The following MTA3 variants were observed in gnomAD, a reference collection of about 807,000 sequenced individuals.
MTA3 encodes metastasis associated 1 family member 3, also known as metastasis-associated protein MTA3.
In MTA3, 34 loss-of-function variants were observed where a neutral mutation model predicts 83.5. The observed-to-expected ratio is 0.41, with a 90% CI of 0.31 to 0.54. MTA3 has a LOEUF of 0.54. Ranked by LOEUF, MTA3 falls within the 20% of genes least tolerant of loss-of-function variation. MTA3 has a pLI of 0.33. For missense variants in MTA3, 761 were observed against 726.4 expected (o/e 1.05, Z -0.55); for synonymous variants, 303 against 252.7 (o/e 1.20, Z -1.89).
At position 42,579,181 on chromosome 2, in the gene MTA3, G is replaced by T; in HGVS notation, c.171G>T (p.Met57Ile). The T allele has an allele frequency of 6.3e-7, 1 of 1,598,704 alleles. No homozygotes were observed. Among genetic ancestry groups the T allele is most frequent in the Non-Finnish European group, 8.5e-7 (1 of 1,173,344 alleles). ...RRRDISNTLI[M>I]LADKHAKEIE... is the part of the protein sequence containing the mutation. ...GTGATATTTCCAACACACTTATAAT[G>T]CTCGCAGATAAGCATGCTAGTAAGT... Residue 57 changes from methionine (M) to isoleucine (I), a missense_variant, in exon 3 of 17, where the codon ATG becomes ATT. Transcript: ENST00000405094.
At position 42,727,142 on chromosome 2, in the gene MTA3, G is replaced by A. The variant is rs1667885302; in HGVS notation, c.1759+4107G>A. Among the ~76,000 whole-genome samples the A allele has an allele frequency of 2.0e-5, 3 of 152,182 alleles. No homozygotes were observed. The South Asian group carries it at 6.2e-4, about 31-fold the overall frequency. ...GAGCCCAGGAGGTTGAGACTGCAGT[G>A]AGCTATGATTGTATCACTGTACTCT... is the stretch of plus-strand genomic sequence containing the variant. On this transcript the variant is annotated intron_variant, in intron 16 of 16. Transcript: ENST00000405094.
chr2:42,566,875 G>A (rs1209527617), upstream of MTA3, among the ~76,000 whole-genome samples: 1 of 152,162 alleles, frequency 6.6e-6, no homozygotes, highest in Non-Finnish European at 1.5e-5. Context: ...CCAGAGGAAA[G>A]GGCTGATTCA....
At position 42,529,543 on chromosome 2, in the gene MTA3, T is replaced by A. The variant is rs186296302; in HGVS notation, c.-141+34289T>A. ...CGTTTTTATTTCCAATCTAAGGACTTACTGTTTCTTCAGTGATTGGCACCA... is the reference window on the plus strand; with the variant it reads ...CGTTTTTATTTCCAATCTAAGGACTAACTGTTTCTTCAGTGATTGGCACCA... On this transcript the variant is annotated intron_variant, in intron 2 of 17. Transcript: ENST00000405592. 1.1e-4 allele frequency among the ~76,000 whole-genome samples: 16 copies of A among 152,348 alleles called. No homozygotes were observed. The East Asian group carries it at 2.5e-3, about 24-fold the overall frequency.
chr2:42,639,415 A>T (rs1239989196), intron 4 of MTA3, among the ~76,000 whole-genome samples: 1 of 152,162 alleles, frequency 6.6e-6, no homozygotes. Context: ...TCTATTAGTT[A>T]TACGGATTTT....
chr2:42,505,726 G>C (rs1045330492), intron 2 of MTA3, among the ~76,000 whole-genome samples: 1 of 151,970 alleles, frequency 6.6e-6, no homozygotes, highest in Non-Finnish European at 1.5e-5. Context: ...GCAAGGGCAA[G>C]TGGGTGGGAA....
chr2:42,518,993 ACACAC>A (rs1675287522), intron 2 of MTA3, among the ~76,000 whole-genome samples: 1 of 134,784 alleles, frequency 7.4e-6, no homozygotes, highest in Non-Finnish European at 1.6e-5. Context: ...ACACACACAC[ACACAC>A]ACACACACAC....
chr2:42,594,726 A>AT (rs1303482913), intron 3 of MTA3, among the ~76,000 whole-genome samples: 10 of 29,362 alleles, frequency 3.4e-4, no homozygotes, highest in African/African-American at 1.6e-3. Flanking sequence ...ATATATATAT[A>AT]TATTTTTTTT....
intron 2 of MTA3, among the ~76,000 whole-genome samples, chr2:42,549,343 A>C (rs1384907876): frequency 8.4e-5 from 10 of 118,748 alleles, no homozygotes; most frequent in African/African-American, 3.2e-4. Context: ...ATACGTATAC[A>C]TTATATATTA....
At chr2:42,555,017 G>C (rs1450082803) in intron 2 of MTA3, among the ~76,000 whole-genome samples, 2 of 152,134 alleles carry the variant, frequency 1.3e-5, no homozygotes, top group Admixed American at 1.3e-4. Context: ...GCTGGGCATG[G>C]TGGCAGGCAC....
At chr2:42,567,619 G>C (rs1677975995), upstream of MTA3, among the ~76,000 whole-genome samples, 4 of 151,996 alleles carry the variant, frequency 2.6e-5, no homozygotes, top group South Asian at 8.3e-4. Context: ...TGTTCATTTG[G>C]GGGATCGCCA....
chr2:42,680,641 C>G, intron 8 of MTA3, among the ~76,000 whole-genome samples: 1 of 152,158 alleles, frequency 6.6e-6, no homozygotes, highest in East Asian at 1.9e-4. Context: ...TTTCAGTTTT[C>G]CTGTTACACA....
intron 2 of MTA3, among the ~76,000 whole-genome samples, chr2:42,547,906 C>T (rs1424629477): frequency 1.3e-5 from 2 of 151,536 alleles, no homozygotes; most frequent in Admixed American, 6.6e-5. Context: ...ATTAGGTTTT[C>T]AATCTTGTCT....
intron 3 of MTA3, among the ~76,000 whole-genome samples, chr2:42,602,280 G>A (rs774208784): frequency 6.6e-6 from 1 of 152,146 alleles, no homozygotes; most frequent in Non-Finnish European, 1.5e-5. Flanking sequence ...CCCAGCCTTA[G>A]TTGTTGTTCT....
chr2:42,689,149 T>C (rs1169868009), intron 9 of MTA3, among the ~76,000 whole-genome samples: 1 of 152,226 alleles, frequency 6.6e-6, no homozygotes, highest in African/African-American at 2.4e-5. Flanking sequence ...TAATTTATGA[T>C]TGTTGAAAAC....
intron 16 of MTA3, among the ~76,000 whole-genome samples, chr2:42,750,346 G>T (rs1669779200): frequency 6.6e-6 from 1 of 151,142 alleles, no homozygotes; most frequent in African/African-American, 2.4e-5. Context: ...CTTCCAATTT[G>T]TACTCTTCTG....
chr2:42,611,816 A>G (rs1470319352), intron 4 of MTA3, among the ~76,000 whole-genome samples: 1 of 152,134 alleles, frequency 6.6e-6, no homozygotes, highest in Non-Finnish European at 1.5e-5. Flanking sequence ...CCCTATGTGA[A>G]ATAAATAATA....
chr2:42,564,315 G>C (rs1295912500), upstream of MTA3, among the ~76,000 whole-genome samples: 7 of 152,222 alleles, frequency 4.6e-5, no homozygotes, highest in African/African-American at 1.7e-4. Context: ...GTGAGGGCAT[G>C]AGGGAACTAT....
At chr2:42,735,073 T>A (rs1014974515) in intron 16 of MTA3, among the ~76,000 whole-genome samples, 19 of 152,338 alleles carry the variant, frequency 1.2e-4, no homozygotes, top group African/African-American at 4.6e-4. Flanking sequence ...TACCTTCAGA[T>A]CATTTCTTAT....
intron 16 of MTA3, among the ~76,000 whole-genome samples, chr2:42,742,114 A>G (rs1391365093): frequency 6.6e-6 from 1 of 151,826 alleles, no homozygotes; most frequent in Non-Finnish European, 1.5e-5. Context: ...TGCTCAGACC[A>G]TAAAGCCATC....
Sources: allele counts gnomAD v4.1 joint callset (sites outside exome capture counted in the v4.1 genomes callset), GRCh38; gene constraint gnomAD v4.1.1; transcripts MANE v1.5; gene names NCBI Gene and HGNC (gene_info 2026-07-23, HGNC 2026-07-21).